The following PRKAG2 variants were observed in gnomAD, a reference collection of about 807,000 sequenced individuals.
The protein encoded by PRKAG2 is protein kinase AMP-activated non-catalytic subunit gamma 2.
A neutral mutation model predicts 69.6 loss-of-function variants in PRKAG2; 26 were observed. The ratio of observed to expected loss-of-function variants is 0.37; its 90% CI spans 0.27 to 0.52. The LOEUF (loss-of-function observed/expected upper bound fraction) is 0.52, where lower values mean the gene tolerates loss of function less well. PRKAG2 is among the 20% of genes least tolerant of loss of function. The pLI is 0.90. For synonymous variants in PRKAG2, 293 were observed against 285.0 expected (o/e 1.03, Z -0.28); for missense variants, 557 against 740.0 (o/e 0.75, Z 2.87).
intron 4 of PRKAG2, among the ~76,000 whole-genome samples, chr7:151,667,422 T>C (rs1831215478): frequency 6.6e-6 from 1 of 152,216 alleles, no homozygotes; most frequent in African/African-American, 2.4e-5. Context: ...TAGTACATCA[T>C]GTGTTCAACT....
chr7:151,564,098 C>G lies in PRKAG2; in HGVS notation c.1564G>C (p.Asp522His). The G allele has an allele frequency of 6.2e-7, 1 of 1,614,142 alleles. No individual in the cohort carries two copies. Among genetic ancestry groups the G allele is most frequent in the African/African-American group, 1.3e-5 (1 of 75,030 alleles). ...NKLEILETIV[D>H]RIVRAEVHRL... is the part of the protein sequence containing the mutation. Reference sequence around the variant, plus strand: ...CTCACCTCAGCTCTTACTATTCTGTCCACGATGGTCTCCAGTATTTCCAGC... The same window carrying G: ...CTCACCTCAGCTCTTACTATTCTGTGCACGATGGTCTCCAGTATTTCCAGC... The change falls in exon 14 of 16, where the codon GAC becomes CAC. Residue 522 changes from aspartate to histidine, a missense_variant. Coordinates refer to ENST00000287878, the MANE Select transcript of PRKAG2 (RefSeq NM_016203.4).
At position 151,632,191 on chromosome 7, in the gene PRKAG2, GGCCGGCGGGCTC is replaced by G. The variant is rs1290465333; in HGVS notation, c.685-65_685-54del. On this transcript the variant is annotated intron_variant, in intron 4 of 15. Coordinates refer to ENST00000287878, the MANE Select transcript of PRKAG2 (RefSeq NM_016203.4). The surrounding 1 kb of genome is among the most constrained non-coding windows in gnomAD (Gnocchi z 4.2). ...AGCATGAGCTGCGACGCTCGTCCCC[GGCCGGCGGGCTC>G]GCGGCCGGCCGAGCGCTGGGGCCTG... 8.3e-7 allele frequency: 1 copy of G among 1,208,446 alleles called. No homozygotes were observed. Among genetic ancestry groups the G allele is most frequent in the Non-Finnish European group, 1.0e-6 (1 of 966,788 alleles). 74.9% of individuals were successfully genotyped at this position (1,208,446 alleles called of 1,614,324 possible). A position where few individuals can be genotyped will look rare whatever the true frequency, so the allele number is the denominator to read the frequency against.
chr7:151,811,772 C>T (rs1275310862), intron 1 of PRKAG2, among the ~76,000 whole-genome samples: 1 of 152,216 alleles, frequency 6.6e-6, no homozygotes, highest in Non-Finnish European at 1.5e-5. Context: ...GTAGGTCCAA[C>T]CTAGGTTTCC....
intron 1 of PRKAG2, among the ~76,000 whole-genome samples, chr7:151,833,083 T>C (rs2079074161): frequency 6.6e-6 from 1 of 152,224 alleles, no homozygotes; most frequent in Non-Finnish European, 1.5e-5. Flanking sequence ...GAAGCTGGCT[T>C]TCCAGTGGAG....
chr7:151,715,592 G>A (rs570833751), intron 3 of PRKAG2, among the ~76,000 whole-genome samples: 1 of 152,096 alleles, frequency 6.6e-6, no homozygotes, highest in African/African-American at 2.4e-5. Flanking sequence ...CTGACCTTGG[G>A]TAATCCACCT....
intron 8 of PRKAG2, among the ~76,000 whole-genome samples, chr7:151,573,847 C>T (rs1206410138): frequency 6.6e-6 from 1 of 152,158 alleles, no homozygotes; most frequent in Non-Finnish European, 1.5e-5. Flanking sequence ...GGCGCGATCT[C>T]GGCTCACTGC....
At chr7:151,759,298 G>A (rs1315711090) in intron 3 of PRKAG2, among the ~76,000 whole-genome samples, 2 of 152,166 alleles carry the variant, frequency 1.3e-5, no homozygotes, top group African/African-American at 2.4e-5. Flanking sequence ...CCATGTCAGA[G>A]GCTATTGCTG....
In PRKAG2 at chr7:151,782,010, G is replaced by A. The variant is rs957967440; in HGVS notation, c.187-579C>T. ...AAGCCAGCCGGGTACGGTGACTCAC[G>A]CCTGTAATCCCAGCATTTTGGAAGG... On this transcript the variant is annotated intron_variant, in intron 2 of 15. Transcript: ENST00000287878. 1.1e-4 allele frequency among the ~76,000 whole-genome samples: 16 copies of A among 152,142 alleles called. No individual in the cohort carries two copies. The East Asian group carries it at 1.7e-3, about 17-fold the overall frequency.
intron 3 of PRKAG2, among the ~76,000 whole-genome samples, chr7:151,738,572 G>C (rs927634436): frequency 2.6e-5 from 4 of 152,290 alleles, no homozygotes; most frequent in African/African-American, 9.6e-5. Flanking sequence ...CCGCTTAAAG[G>C]CATTCTTAAG....
intron 1 of PRKAG2, among the ~76,000 whole-genome samples, chr7:151,866,567 C>A (rs528052725): frequency 1.5e-4 from 23 of 152,182 alleles, no homozygotes; most frequent in Non-Finnish European, 2.9e-4. Flanking sequence ...ATTGATCGGT[C>A]ATCAGCACCA....
chr7:151,680,902 C>T (rs1308571438), intron 3 of PRKAG2, among the ~76,000 whole-genome samples: 1 of 152,216 alleles, frequency 6.6e-6, no homozygotes, highest in Non-Finnish European at 1.5e-5. Flanking sequence ...TTTCCACTTC[C>T]AACATTCTTC....
intron 6 of PRKAG2, among the ~76,000 whole-genome samples, chr7:151,584,036 T>C (rs1221126202): frequency 3.3e-5 from 5 of 152,198 alleles, no homozygotes; most frequent in African/African-American, 9.6e-5. Flanking sequence ...CGCTGATATC[T>C]ACTGCGTCAA....
intron 5 of PRKAG2, among the ~76,000 whole-genome samples, chr7:151,615,024 G>A (rs1819755898): frequency 6.6e-6 from 1 of 152,092 alleles, no homozygotes; most frequent in African/African-American, 2.4e-5. Flanking sequence ...CCCCGAGACA[G>A]AAGCCGTGTG....
At chr7:151,767,536 C>T (rs2075799226) in intron 3 of PRKAG2, among the ~76,000 whole-genome samples, 1 of 152,234 alleles carries the variant, frequency 6.6e-6, no homozygotes, top group Non-Finnish European at 1.5e-5. Context: ...AGTGATTGGC[C>T]CGACTTGGCC....
intron 3 of PRKAG2, among the ~76,000 whole-genome samples, chr7:151,747,107 A>G (rs1015013099): frequency 6.6e-6 from 1 of 152,184 alleles, no homozygotes; most frequent in Admixed American, 6.5e-5. Context: ...AAGGAGACAG[A>G]GAGGGTGAGC....
At chr7:151,720,202 G>A (rs988822537) in intron 3 of PRKAG2, among the ~76,000 whole-genome samples, 4 of 152,160 alleles carry the variant, frequency 2.6e-5, no homozygotes, top group African/African-American at 9.7e-5. Flanking sequence ...GCAGACAGCC[G>A]TTTGTGACCA....
At position 151,621,922 on chromosome 7, in the gene PRKAG2, T is replaced by G. The variant is rs562998129; in HGVS notation, c.754+10147A>C. 1.4e-4 allele frequency among the ~76,000 whole-genome samples: 21 copies of G among 152,344 alleles called. No individual in the cohort carries two copies. The South Asian group carries it at 4.3e-3, about 32-fold the overall frequency. On this transcript the variant is annotated intron_variant, in intron 5 of 15. Coordinates refer to ENST00000287878, the MANE Select transcript of PRKAG2 (RefSeq NM_016203.4). ...TTTTAAAGATCTCTGCATTTATAGT[T>G]AAGAAGCTTCTCTTCTTTCTAAAGC...
At chr7:151,587,439 T>C (rs190920130) in intron 6 of PRKAG2, among the ~76,000 whole-genome samples, 1 of 152,198 alleles carries the variant, frequency 6.6e-6, no homozygotes, top group Non-Finnish European at 1.5e-5. Context: ...CTGTACGTGG[T>C]GACTTCCTTC....
At chr7:151,604,466 G>A (rs747848252) in intron 5 of PRKAG2, among the ~76,000 whole-genome samples, 5 of 151,540 alleles carry the variant, frequency 3.3e-5, no homozygotes, top group Admixed American at 6.6e-5. Flanking sequence ...GTGAGATCCC[G>A]TTTCTACAAA....
Sources: allele counts gnomAD v4.1 joint callset (sites outside exome capture counted in the v4.1 genomes callset), GRCh38; gene constraint gnomAD v4.1.1; non-coding constraint Gnocchi (gnomAD v3.1); transcripts MANE v1.5; gene names NCBI Gene and HGNC (gene_info 2026-07-23, HGNC 2026-07-21).